Variants in CRACD observed in about 807,000 individuals in gnomAD.
CRACD encodes the protein capping protein-inhibiting regulator of actin dynamics.
In CRACD, 56 loss-of-function variants were observed where a neutral mutation model predicts 106.8. The observed-to-expected ratio is 0.52, with a 90% CI of 0.42 to 0.66. The LOEUF is 0.66. CRACD is among the 30% of genes least tolerant of loss of function. The pLI, the probability that CRACD is intolerant of heterozygous loss-of-function variation, is 0.00. For missense variants in CRACD, 1,730 were observed against 1,623.2 expected, an observed-to-expected ratio of 1.07 and a Z score of -1.13; for synonymous variants, 754 against 670.8, an observed-to-expected ratio of 1.12 and a Z score of -1.92.
At chr4:56,286,525 C>CAAGAAAAA (rs1743355326) in intron 3 of CRACD, among the ~76,000 whole-genome samples, 1 of 89,382 alleles carries the variant, frequency 1.1e-5, no homozygotes, top group Non-Finnish European at 2.2e-5. Flanking sequence ...GACTCCGTCT[C>CAAGAAAAA]AAAAAAAAAA....
intron 5 of CRACD, chr4:56,308,834 T>C (rs1744934978): frequency 2.3e-6 from 3 of 1,287,218 alleles, no homozygotes; most frequent in Non-Finnish European, 2.0e-6. Context: ...GGTGCAGGGG[T>C]ATCCTGAGAT....
chr4:56,125,396 A>T (rs899521211), intron 1 of CRACD, among the ~76,000 whole-genome samples: 4 of 151,942 alleles, frequency 2.6e-5, no homozygotes, highest in Admixed American at 6.6e-5. Flanking sequence ...CATGGATTTT[A>T]AATTTTTTTA....
intron 1 of CRACD, among the ~76,000 whole-genome samples, chr4:56,131,644 C>T (rs1443266887): frequency 6.6e-6 from 1 of 152,052 alleles, no homozygotes; most frequent in Non-Finnish European, 1.5e-5. Flanking sequence ...CCTTTGTGGT[C>T]TCTTATTTTA....
intron 1 of CRACD, among the ~76,000 whole-genome samples, chr4:56,163,502 T>C (rs1156892666): frequency 1.3e-5 from 2 of 151,478 alleles, no homozygotes; most frequent in African/African-American, 4.9e-5. Flanking sequence ...AGTCCCCTTA[T>C]GTTAAAAAAA....
chr4:56,054,507 A>G (rs563205437), intron 1 of CRACD, among the ~76,000 whole-genome samples: 1 of 152,202 alleles, frequency 6.6e-6, no homozygotes, highest in Non-Finnish European at 1.5e-5. Flanking sequence ...GTGAAAATTC[A>G]TAGAGATAAG....
chr4:56,288,014 C>T (rs1743470082), intron 3 of CRACD, among the ~76,000 whole-genome samples: 1 of 152,178 alleles, frequency 6.6e-6, no homozygotes, highest in African/African-American at 2.4e-5. Context: ...GGAGTGGGTT[C>T]ATGGTATTTG....
chr4:56,138,997 C>A (rs1735103992), intron 1 of CRACD, among the ~76,000 whole-genome samples: 2 of 152,078 alleles, frequency 1.3e-5, no homozygotes, highest in African/African-American at 4.8e-5. Flanking sequence ...TATCATAATT[C>A]TTCTTATGAA....
At chr4:56,136,147 A>G (rs777935135) in intron 1 of CRACD, among the ~76,000 whole-genome samples, 7 of 151,832 alleles carry the variant, frequency 4.6e-5, no homozygotes, top group Non-Finnish European at 7.4e-5. Context: ...TGGCTATACC[A>G]TTTTGTTTAT....
At chr4:56,307,468 G>C in intron 4 of CRACD, 67 bp from the exon 5 acceptor site, 1 of 1,537,270 alleles carries the variant, frequency 6.5e-7, no homozygotes, top group Non-Finnish European at 8.9e-7. Flanking sequence ...ACATGCTGGA[G>C]AACCTGGTTG....
At chr4:56,054,714 G>A (rs1731994825) in intron 1 of CRACD, among the ~76,000 whole-genome samples, 1 of 152,124 alleles carries the variant, frequency 6.6e-6, no homozygotes, top group Non-Finnish European at 1.5e-5. Context: ...CTGAAGAGAT[G>A]TTTTTATAGT....
At chr4:56,298,438 A>G (rs577962455) in intron 4 of CRACD, 89 bp downstream of exon 4, 1 of 1,515,452 alleles carries the variant, frequency 6.6e-7, no homozygotes, top group African/African-American at 1.4e-5. Flanking sequence ...GGCCTTGAGT[A>G]ATGGATTGGG....
At chr4:56,117,231 C>T (rs1343785554) in intron 1 of CRACD, among the ~76,000 whole-genome samples, 2 of 151,968 alleles carry the variant, frequency 1.3e-5, no homozygotes, top group Non-Finnish European at 2.9e-5. Context: ...CCGTGTTAGC[C>T]AGGATGGTCT....
At chr4:56,229,540 A>G (rs1739495062) in intron 2 of CRACD, among the ~76,000 whole-genome samples, 1 of 152,322 alleles carries the variant, frequency 6.6e-6, no homozygotes, top group South Asian at 2.1e-4. Context: ...TAGCAGCCTG[A>G]ATGGACTAAG....
At chr4:56,289,449 A>G (rs1386217564) in intron 3 of CRACD, among the ~76,000 whole-genome samples, 1 of 152,102 alleles carries the variant, frequency 6.6e-6, no homozygotes, top group Non-Finnish European at 1.5e-5. Context: ...AAGCAGGAGG[A>G]TCGCTTGAGC....
At chr4:56,294,913 C>CAAAAAAAAAAAAAAAAAAAA (rs56200534) in intron 3 of CRACD, among the ~76,000 whole-genome samples, 1 of 72,164 alleles carries the variant, frequency 1.4e-5, no homozygotes, top group African/African-American at 6.0e-5. Flanking sequence ...GACCTTGTCT[C>CAAAAAAAAAAAAAAAAAAAA]AAAAAAAAAA....
At chr4:56,240,238 A>G (rs1740285836) in intron 2 of CRACD, among the ~76,000 whole-genome samples, 2 of 152,246 alleles carry the variant, frequency 1.3e-5, no homozygotes, top group East Asian at 3.9e-4. Context: ...GACGTGGACA[A>G]AAAACACCGT....
At chr4:56,139,231 C>A (rs577405070) in intron 1 of CRACD, among the ~76,000 whole-genome samples, 1 of 152,264 alleles carries the variant, frequency 6.6e-6, no homozygotes, top group East Asian at 1.9e-4. Flanking sequence ...ATATTACTGT[C>A]ATACCTCTAA....
chr4:56,249,585 AC>A (rs568077123), intron 2 of CRACD, among the ~76,000 whole-genome samples: 198 of 152,244 alleles, frequency 1.3e-3, no homozygotes, highest in African/African-American at 4.4e-3. Flanking sequence ...AATAAATCTT[AC>A]CAGAATACGA....
chr4:56,205,063 G>C (rs1239618157), intron 2 of CRACD, among the ~76,000 whole-genome samples: 1 of 152,082 alleles, frequency 6.6e-6, no homozygotes, highest in Non-Finnish European at 1.5e-5. Context: ...GCCTGAGGTG[G>C]GAAGATTGCT....
Sources: gnomAD v4.1 joint callset for allele counts (sites outside exome capture counted in the v4.1 genomes callset) on GRCh38, gnomAD v4.1.1 for gene constraint, MANE v1.5 for transcripts, NCBI Gene and HGNC (gene_info 2026-07-23, HGNC 2026-07-21) for gene names.